ERBB4: variants seen among roughly 807,000 people sequenced by gnomAD.
ERBB4 encodes erb-b2 receptor tyrosine kinase 4.
In ERBB4, 42 loss-of-function variants were observed where a neutral mutation model predicts 158.0. The observed-to-expected ratio is 0.27, with a 90% CI of 0.21 to 0.34. The LOEUF is 0.34. Among genes scored for constraint, ERBB4 ranks in the 10% least tolerant of loss-of-function variants. The probability of loss-of-function intolerance (pLI) is 1.00; values close to 1 mark genes in which losing one functional copy is unlikely to be tolerated. For synonymous variants in ERBB4, 583 were observed against 558.7 expected (o/e 1.04, Z -0.61); for missense variants, 1,333 against 1,624.1 (o/e 0.82, Z 3.08).
At chr2:211,649,066 T>TACATTAC (rs2070885226) in intron 16 of ERBB4, among the ~76,000 whole-genome samples, 1 of 151,920 alleles carries the variant, frequency 6.6e-6, no homozygotes, top group South Asian at 2.1e-4. Flanking sequence ...TTTAAAAAGT[T>TACATTAC]ACATTATCTA....
At chr2:212,322,098 A>G (rs2106267603) in intron 1 of ERBB4, among the ~76,000 whole-genome samples, 1 of 150,528 alleles carries the variant, frequency 6.6e-6, no homozygotes, top group African/African-American at 2.4e-5. Context: ...CTGAACTTTG[A>G]AAATTGAGCC....
intron 1 of ERBB4, among the ~76,000 whole-genome samples, chr2:212,132,799 G>C (rs1177387910): frequency 4.6e-5 from 7 of 151,848 alleles, no homozygotes; most frequent in Admixed American, 2.6e-4. Flanking sequence ...GCTATATATA[G>C]CATATATGTG....
intron 3 of ERBB4, among the ~76,000 whole-genome samples, chr2:211,802,847 G>T (rs1296694505): frequency 1.3e-5 from 2 of 152,204 alleles, no homozygotes; most frequent in Non-Finnish European, 2.9e-5. Context: ...AGAGGAGGGA[G>T]AACTCTGTGA....
intron 2 of ERBB4, among the ~76,000 whole-genome samples, chr2:212,123,890 A>T (rs2125568138): frequency 6.6e-6 from 1 of 152,312 alleles, no homozygotes; most frequent in African/African-American, 2.4e-5. Context: ...AAGTGCTCCT[A>T]AGAAGTTTGT....
intron 1 of ERBB4, among the ~76,000 whole-genome samples, chr2:212,176,558 C>G (rs1358901423): frequency 1.3e-5 from 2 of 151,918 alleles, no homozygotes; most frequent in Non-Finnish European, 2.9e-5. Flanking sequence ...GTTTAAGCCA[C>G]CCAGTATATG....
At chr2:212,171,474 C>T (rs1047385545) in intron 1 of ERBB4, among the ~76,000 whole-genome samples, 9 of 152,002 alleles carry the variant, frequency 5.9e-5, no homozygotes, top group Non-Finnish European at 1.2e-4. Flanking sequence ...AAATGTAAAA[C>T]GGATGTGAAA....
At chr2:211,870,312 G>C (rs953321724) in intron 3 of ERBB4, among the ~76,000 whole-genome samples, 1 of 152,216 alleles carries the variant, frequency 6.6e-6, no homozygotes, top group African/African-American at 2.4e-5. Flanking sequence ...GTGACATCAA[G>C]CTTATAAAAT....
In ERBB4 at chr2:212,012,715, T is replaced by TTTGTTG. The variant is rs373209705; in HGVS notation, c.235-65105_235-65100dup. Among the ~76,000 whole-genome samples, 385 of 151,854 alleles carry TTTGTTG rather than the reference T, an allele frequency of 2.5e-3. 1 individual carries two copies. Among genetic ancestry groups the TTTGTTG allele is most frequent in the African/African-American group, 8.9e-3 (368 of 41,412 alleles). ...GGCGTGAGCCACCATGCCCAAACTTTTTGTTGTTGTTGTTGTTGTTGTTTT... is the reference window on the plus strand; with the variant it reads ...GGCGTGAGCCACCATGCCCAAACTTTTTGTTGTTGTTGTTGTTGTTGTTGTTGTTTT... On this transcript the variant is annotated intron_variant, in intron 2 of 27. Transcript: ENST00000342788.
chr2:211,798,198 T>C (rs1344285545), intron 3 of ERBB4, among the ~76,000 whole-genome samples: 1 of 152,100 alleles, frequency 6.6e-6, no homozygotes, highest in South Asian at 2.1e-4. Context: ...TGCTGACTTC[T>C]ACCACAACAA....
At chr2:212,302,332 G>A (rs1275943386) in intron 1 of ERBB4, among the ~76,000 whole-genome samples, 1 of 151,486 alleles carries the variant, frequency 6.6e-6, no homozygotes, top group African/African-American at 2.4e-5. Context: ...TAATACAAAT[G>A]TTTAATAATT....
chr2:212,061,795 G>A lies in ERBB4; in HGVS notation c.234+62957C>T, dbSNP rs1380388303. On this transcript the variant is annotated intron_variant, in intron 2 of 27. Transcript: ENST00000342788. ...TTGCTGCTCAGGCTGGAGTGTAATG[G>A]TGTGATCTCAGCTCACCACAAACTC... Among the ~76,000 whole-genome samples the A allele has an allele frequency of 4.7e-5, 7 of 149,060 alleles. No homozygotes were observed. In the East Asian group the frequency reaches 1.2e-3, roughly 25 times the overall value.
intron 3 of ERBB4, among the ~76,000 whole-genome samples, chr2:211,883,677 T>C (rs926788021): frequency 2.0e-5 from 3 of 151,936 alleles, no homozygotes; most frequent in African/African-American, 4.8e-5. Context: ...TCCCAGGTAC[T>C]TGGGAGGCAG....
chr2:212,526,725 A>G (rs1211052243), intron 1 of ERBB4, among the ~76,000 whole-genome samples: 1 of 152,092 alleles, frequency 6.6e-6, no homozygotes. Context: ...TGTTTCATTC[A>G]TGGCTAGCAA....
chr2:211,848,262 C>T (rs1023647692), intron 3 of ERBB4, among the ~76,000 whole-genome samples: 32 of 152,084 alleles, frequency 2.1e-4, no homozygotes, highest in African/African-American at 7.7e-4. Flanking sequence ...CTTGTGTCAT[C>T]TGTGGGATAG....
chr2:212,022,370 G>A (rs773288822), intron 2 of ERBB4, among the ~76,000 whole-genome samples: 4 of 152,040 alleles, frequency 2.6e-5, no homozygotes, highest in South Asian at 2.1e-4. Flanking sequence ...GAACCAGATC[G>A]TGTCATTTGC....
intron 2 of ERBB4, among the ~76,000 whole-genome samples, chr2:212,114,820 C>A (rs2079524663): frequency 1.3e-5 from 2 of 152,152 alleles, no homozygotes; most frequent in South Asian, 4.2e-4. Context: ...AAAAACTGAA[C>A]CTCCAAAAAA....
chr2:211,923,712 GTTGTATTGTA>G (rs113673706), intron 3 of ERBB4, among the ~76,000 whole-genome samples: 4 of 151,676 alleles, frequency 2.6e-5, no homozygotes, highest in Non-Finnish European at 4.4e-5. Context: ...CATAATCTAA[GTTGTATTGTA>G]TTGTATTGTA....
intron 1 of ERBB4, among the ~76,000 whole-genome samples, chr2:212,449,003 T>A (rs2092406405): frequency 6.6e-6 from 1 of 152,158 alleles, no homozygotes; most frequent in Non-Finnish European, 1.5e-5. Context: ...TGAGGTCATT[T>A]ATCTCTTCAT....
At chr2:211,387,876 C>T (rs571916954) in intron 26 of ERBB4, 69 bp downstream of exon 26, 18 of 1,194,920 alleles carry the variant, frequency 1.5e-5, no homozygotes, top group Middle Eastern at 3.8e-4. Context: ...TATGCAGAGA[C>T]GAGAGAGGAA....
Sources: allele counts gnomAD v4.1 joint callset (sites outside exome capture counted in the v4.1 genomes callset), GRCh38; gene constraint gnomAD v4.1.1; transcripts MANE v1.5; gene names NCBI Gene and HGNC (gene_info 2026-07-23, HGNC 2026-07-21).